Variants in SCAMP1 observed in about 807,000 individuals in gnomAD.
SCAMP1 encodes the protein secretory carrier membrane protein 1, also known as secretory carrier-associated membrane protein 1.
In SCAMP1, 15 loss-of-function variants were observed where a neutral mutation model predicts 41.8. The observed-to-expected ratio is 0.36, with a 90% confidence interval of 0.24 to 0.55. The LOEUF (loss-of-function observed/expected upper bound fraction) is 0.55, where lower values mean the gene tolerates loss of function less well. Ranked by LOEUF, SCAMP1 falls within the 20% of genes least tolerant of loss-of-function variation. The pLI is 0.86. For synonymous variants in SCAMP1, 135 were observed against 136.8 expected (o/e 0.99, Z 0.09); for missense variants, 341 against 412.6 (o/e 0.83, Z 1.50).
intron 8 of SCAMP1, among the ~76,000 whole-genome samples, chr5:78,464,416 G>A (rs566062951): frequency 6.8e-4 from 104 of 152,220 alleles, no homozygotes; most frequent in South Asian, 1.7e-3. Flanking sequence ...GAGCCACCAC[G>A]CACAGCCACT....
chr5:78,361,438 T>A (rs973110059), intron 1 of SCAMP1, among the ~76,000 whole-genome samples: 1 of 152,066 alleles, frequency 6.6e-6, no homozygotes, highest in Non-Finnish European at 1.5e-5. Flanking sequence ...AGGTAAACGA[T>A]GGGATATTTT....
chr5:78,407,819 C>CAATATTATATAT (rs1751971286), intron 2 of SCAMP1, among the ~76,000 whole-genome samples: 1 of 151,942 alleles, frequency 6.6e-6, no homozygotes, highest in African/African-American at 2.4e-5. Flanking sequence ...ATTTAAAAGT[C>CAATATTATATAT]ATTATTATAG....
chr5:78,427,598 A>G (rs1752499974), intron 6 of SCAMP1, among the ~76,000 whole-genome samples: 1 of 152,124 alleles, frequency 6.6e-6, no homozygotes, highest in South Asian at 2.1e-4. Flanking sequence ...ACGTGTCTAA[A>G]TTTTTAAGAA....
At chr5:78,412,388 T>G (rs1476504290) in intron 2 of SCAMP1, among the ~76,000 whole-genome samples, 4 of 152,148 alleles carry the variant, frequency 2.6e-5, no homozygotes, top group East Asian at 3.9e-4. Context: ...GTTTTGTTTT[T>G]TTTTTAACAT....
chr5:78,458,243 T>G (rs1753485238), intron 7 of SCAMP1, among the ~76,000 whole-genome samples: 1 of 152,204 alleles, frequency 6.6e-6, no homozygotes, highest in Admixed American at 6.5e-5. Context: ...ACAGACAAAC[T>G]GTTCTCTAGA....
chr5:78,397,008 C>T (rs781587797), intron 2 of SCAMP1, among the ~76,000 whole-genome samples: 2 of 152,122 alleles, frequency 1.3e-5, no homozygotes, highest in East Asian at 3.9e-4. Context: ...AGGATTTTTG[C>T]AGCAGTGGAG....
chr5:78,371,428 TTGAA>T (rs1172591930), intron 1 of SCAMP1, among the ~76,000 whole-genome samples: 1 of 152,182 alleles, frequency 6.6e-6, no homozygotes, highest in Non-Finnish European at 1.5e-5. Flanking sequence ...TCAGTCCCCA[TTGAA>T]TGATCTTGGC....
At chr5:78,464,113 G>T (rs999362377) in intron 8 of SCAMP1, among the ~76,000 whole-genome samples, 1 of 151,712 alleles carries the variant, frequency 6.6e-6, no homozygotes, top group African/African-American at 2.4e-5. Context: ...AAGTAGCTGG[G>T]ACTACAGGCA....
In SCAMP1 at chr5:78,480,523, G is replaced by A. The variant is rs2112269475; in HGVS notation, c.*4855G>A. Among the ~76,000 whole-genome samples the A allele has an allele frequency of 6.6e-6, 1 of 152,224 alleles. No individual in the cohort carries two copies. The highest frequency in any genetic ancestry group is 1.9e-4 in the East Asian group (1 of 5,182). ...TTTGTAGTAGTATTCAGGTATTTTGGGGATGGGGGAAAACACCAAAAATCA... is the reference window on the plus strand; with the variant it reads ...TTTGTAGTAGTATTCAGGTATTTTGAGGATGGGGGAAAACACCAAAAATCA... On this transcript the variant is annotated 3_prime_UTR_variant, in exon 9 of 9. Coordinates refer to ENST00000621999, the MANE Select transcript of SCAMP1 (RefSeq NM_004866.6).
intron 7 of SCAMP1, among the ~76,000 whole-genome samples, chr5:78,453,051 A>AT (rs1386555515): frequency 6.8e-6 from 1 of 147,370 alleles, no homozygotes; most frequent in Non-Finnish European, 1.5e-5. Context: ...TTTCTTGTAA[A>AT]TTTGTTTGAG....
chr5:78,398,810 G>A (rs1751727014), intron 2 of SCAMP1, among the ~76,000 whole-genome samples: 1 of 152,100 alleles, frequency 6.6e-6, no homozygotes, highest in South Asian at 2.1e-4. Context: ...CTCCCAAAGT[G>A]TTGGGATTAC....
intron 6 of SCAMP1, among the ~76,000 whole-genome samples, chr5:78,430,549 G>A (rs576432492): frequency 8.6e-5 from 13 of 151,744 alleles, no homozygotes; most frequent in African/African-American, 3.1e-4. Flanking sequence ...ATGAGGAAAG[G>A]TAATATTCTT....
intron 1 of SCAMP1, among the ~76,000 whole-genome samples, chr5:78,386,187 T>A (rs1355960276): frequency 6.6e-6 from 1 of 152,140 alleles, no homozygotes; most frequent in Non-Finnish European, 1.5e-5. Context: ...GTTGGACTAT[T>A]CCTTTTATCA....
chr5:78,454,804 A>G (rs906514871), intron 7 of SCAMP1, among the ~76,000 whole-genome samples: 1 of 152,184 alleles, frequency 6.6e-6, no homozygotes, highest in African/African-American at 2.4e-5. Flanking sequence ...CTGTGAATCC[A>G]TCTGGTCCTG....
At chr5:78,427,849 C>G (rs893527411) in intron 6 of SCAMP1, among the ~76,000 whole-genome samples, 1 of 151,966 alleles carries the variant, frequency 6.6e-6, no homozygotes, top group African/African-American at 2.4e-5. Flanking sequence ...AATGTTTGTT[C>G]AAGTTTATTG....
At position 78,416,587 on chromosome 5, in the gene SCAMP1, T is replaced by C. The variant is rs1337815041; in HGVS notation, c.281T>C (p.Leu94Pro). 1 of 1,599,850 alleles carries C rather than the reference T, an allele frequency of 6.3e-7. No individual in the cohort carries two copies. The highest frequency in any genetic ancestry group is 8.5e-7 in the Non-Finnish European group (1 of 1,172,912). Residue 94 changes from leucine to proline, a missense_variant, in exon 4 of 9, where the codon CTA becomes CCA. Leu to Pro is a moderately conservative substitution (Grantham distance 98, BLOSUM62 -3). Transcript: ENST00000621999. Reference protein sequence around the residue: ...QAELLKRQEELERKAAELDRR... With the variant: ...QAELLKRQEEPERKAAELDRR... ...GAACTTCTTAAGCGCCAGGAAGAAC[T>C]AGAAAGAAAAGCCGCAGAATTAGAT...
At chr5:78,475,330 G>C (rs904548042) in intron 8 of SCAMP1, among the ~76,000 whole-genome samples, 174 bp from the exon 9 acceptor site, 3 of 151,904 alleles carry the variant, frequency 2.0e-5, no homozygotes, top group Admixed American at 2.0e-4. Flanking sequence ...CCTATATTAA[G>C]AAAATGTTTA....
At chr5:78,435,284 G>T (rs910391371) in intron 6 of SCAMP1, among the ~76,000 whole-genome samples, 1 of 152,176 alleles carries the variant, frequency 6.6e-6, no homozygotes, top group Non-Finnish European at 1.5e-5. Flanking sequence ...AGTGCACAAC[G>T]TGCAGGTTTG....
chr5:78,372,691 T>C (rs1490898764), intron 1 of SCAMP1, among the ~76,000 whole-genome samples: 2 of 152,182 alleles, frequency 1.3e-5, no homozygotes, highest in Non-Finnish European at 2.9e-5. Context: ...CTTCAAGTCA[T>C]GATATATAAT....
Sources: allele counts gnomAD v4.1 joint callset (sites outside exome capture counted in the v4.1 genomes callset), GRCh38; gene constraint gnomAD v4.1.1; transcripts MANE v1.5; gene names NCBI Gene and HGNC (gene_info 2026-07-23, HGNC 2026-07-21).